The following PIK3C2G variants were observed in gnomAD, a reference collection of about 807,000 sequenced individuals.
PIK3C2G encodes the protein phosphatidylinositol-4-phosphate 3-kinase catalytic subunit type 2 gamma.
In PIK3C2G, 168 loss-of-function variants were observed where a neutral mutation model predicts 181.1. The ratio of observed to expected loss-of-function variants is 0.93; its 90% CI spans 0.82 to 1.05. PIK3C2G has a LOEUF of 1.05. PIK3C2G is among the 50% of genes least tolerant of loss of function. The probability of loss-of-function intolerance (pLI) is 0.00; values close to 1 mark genes in which losing one functional copy is unlikely to be tolerated. For missense variants in PIK3C2G, 1,869 were observed against 1,732.8 expected (o/e 1.08, Z -1.40); for synonymous variants, 573 against 592.2 (o/e 0.97, Z 0.47).
intron 7 of PIK3C2G, among the ~76,000 whole-genome samples, chr12:18,322,086 T>C (rs1427332538): frequency 6.6e-6 from 1 of 152,108 alleles, no homozygotes; most frequent in East Asian, 1.9e-4. Context: ...TCCCAGAACT[T>C]AAAATAAAAT....
intron 24 of PIK3C2G, among the ~76,000 whole-genome samples, chr12:18,530,386 A>G (rs934638761): frequency 1.3e-5 from 2 of 152,070 alleles, no homozygotes; most frequent in African/African-American, 4.8e-5. Context: ...TCCCTCTCAA[A>G]TAATATTTTT....
At chr12:18,631,124 ATTTCT>A (rs1254256790) in intron 31 of PIK3C2G, among the ~76,000 whole-genome samples, 1 of 152,202 alleles carries the variant, frequency 6.6e-6, no homozygotes, top group Non-Finnish European at 1.5e-5. Context: ...ACAGCTAGTG[ATTTCT>A]TTAATAAATT....
intron 1 of PIK3C2G, among the ~76,000 whole-genome samples, chr12:18,251,882 G>A (rs1008230786): frequency 1.3e-4 from 20 of 151,988 alleles, no homozygotes; most frequent in Admixed American, 1.0e-3. Flanking sequence ...AAAATTACAC[G>A]TGACACTTTG....
At chr12:18,719,991 T>C in the PIK3C2G span, among the ~76,000 whole-genome samples, 9 of 152,098 alleles carry the variant, frequency 5.9e-5, no homozygotes, top group Non-Finnish European at 1.0e-4. Context: ...TCCAGAAGCC[T>C]GCCTCCGACT....
intron 21 of PIK3C2G, 149 bp downstream of exon 21, chr12:18,496,303 T>G (rs1592408742): frequency 1.6e-6 from 1 of 612,858 alleles, no homozygotes; most frequent in African/African-American, 1.9e-5. Context: ...TACAGGATTA[T>G]ATATAGTATG....
At chr12:18,599,326 T>C (rs1427412846) in intron 30 of PIK3C2G, among the ~76,000 whole-genome samples, 1 of 151,836 alleles carries the variant, frequency 6.6e-6, no homozygotes, top group Non-Finnish European at 1.5e-5. Context: ...CCATAAAAAA[T>C]GATGAGTTCA....
chr12:18,721,384 T>C, the PIK3C2G span, among the ~76,000 whole-genome samples: 1 of 152,160 alleles, frequency 6.6e-6, no homozygotes, highest in African/African-American at 2.4e-5. Context: ...TCAATAATCA[T>C]GTAAATGAAA....
chr12:18,515,487 G>A (rs1942477401), intron 24 of PIK3C2G, among the ~76,000 whole-genome samples: 1 of 151,806 alleles, frequency 6.6e-6, no homozygotes, highest in Non-Finnish European at 1.5e-5. Flanking sequence ...TATTTCTGCT[G>A]GATTTTCCAG....
chr12:18,607,231 G>T (rs973683182), intron 30 of PIK3C2G: 2 of 505,442 alleles, frequency 4.0e-6, no homozygotes, highest in Non-Finnish European at 7.9e-6. Flanking sequence ...TAATTGAAAG[G>T]AATAATATGA....
intron 10 of PIK3C2G, among the ~76,000 whole-genome samples, chr12:18,345,760 G>A (rs1592014995): frequency 6.6e-6 from 1 of 151,920 alleles, no homozygotes; most frequent in East Asian, 1.9e-4. Context: ...AACAAACTGT[G>A]GAAAGCGAAA....
chr12:18,542,502 G>A lies in PIK3C2G; in HGVS notation c.3481-3821G>A, dbSNP rs138159790. ...GATTTGATGTACAGATTATTTCATCGCCCAGGTATTAAGCCCAGTACCCAA... is the reference window on the plus strand; with the variant it reads ...GATTTGATGTACAGATTATTTCATCACCCAGGTATTAAGCCCAGTACCCAA... On this transcript the variant is annotated intron_variant, in intron 25 of 32. Transcript: ENST00000538779. Among the ~76,000 whole-genome samples, 774 of 151,584 alleles carry A rather than the reference G, an allele frequency of 5.1e-3. 3 individuals carry two copies. Among genetic ancestry groups the A allele is most frequent in the Non-Finnish European group, 8.8e-3 (595 of 67,766 alleles).
At chr12:18,281,268 C>CAAA (rs59791930) in intron 1 of PIK3C2G, among the ~76,000 whole-genome samples, 28 of 73,732 alleles carry the variant, frequency 3.8e-4, no homozygotes, top group African/African-American at 9.2e-4. Context: ...GCATAATAGG[C>CAAA]AAAAAAAAAA....
At chr12:18,539,219 C>A (rs2136243547) in intron 25 of PIK3C2G, among the ~76,000 whole-genome samples, 1 of 151,992 alleles carries the variant, frequency 6.6e-6, no homozygotes, top group Middle Eastern at 3.4e-3. Context: ...TGTTAACCCC[C>A]AAAAGACTAT....
At position 18,297,448 on chromosome 12, in the gene PIK3C2G, T is replaced by C. The variant is rs577437170; in HGVS notation, c.1034+3433T>C. 6.6e-5 allele frequency among the ~76,000 whole-genome samples: 10 copies of C among 152,234 alleles called. No homozygotes were observed. In the South Asian group the frequency reaches 2.1e-3, roughly 32 times the overall value. The stretch of plus-strand genomic sequence containing the variant: ...AATATTCATGAGGTACATGTGATAT[T>C]TGGATATCTACATAGAATGTATAAT... On this transcript the variant is annotated intron_variant, in intron 5 of 32. Coordinates refer to ENST00000538779, the MANE Select transcript of PIK3C2G (RefSeq NM_001288772.2).
chr12:18,441,609 G>A (rs1234963573), intron 18 of PIK3C2G, among the ~76,000 whole-genome samples: 1 of 152,094 alleles, frequency 6.6e-6, no homozygotes, highest in Non-Finnish European at 1.5e-5. Context: ...GAACAGGCGG[G>A]TGGGTGCATG....
intron 31 of PIK3C2G, among the ~76,000 whole-genome samples, chr12:18,635,611 G>A (rs1949562280): frequency 6.6e-6 from 1 of 152,184 alleles, no homozygotes; most frequent in Non-Finnish European, 1.5e-5. Context: ...CTAAGGGCCT[G>A]TGGTGAAATT....
downstream of PIK3C2G, among the ~76,000 whole-genome samples, chr12:18,649,794 A>T (rs538040): frequency 0.068 from 10,414 of 152,164 alleles, 403 homozygotes; most frequent in African/African-American, 0.083. Flanking sequence ...ATCTTCCTGG[A>T]TATATTTTCT....
At chr12:18,423,130 T>TGAGA (rs144744234) in intron 17 of PIK3C2G, among the ~76,000 whole-genome samples, 31,648 of 148,472 alleles carry the variant, frequency 0.21, 3,418 homozygotes, top group Admixed American at 0.33. Flanking sequence ...TCTGAAGCTT[T>TGAGA]GAGAGAGAGA....
intron 31 of PIK3C2G, among the ~76,000 whole-genome samples, chr12:18,619,708 T>C (rs1276185520): frequency 6.6e-6 from 1 of 151,740 alleles, no homozygotes; most frequent in East Asian, 1.9e-4. Flanking sequence ...AATAATTACA[T>C]TATGGTCAAA....
Sources: gnomAD v4.1 joint callset for allele counts (sites outside exome capture counted in the v4.1 genomes callset) on GRCh38, gnomAD v4.1.1 for gene constraint, MANE v1.5 for transcripts, NCBI Gene and HGNC (gene_info 2026-07-23, HGNC 2026-07-21) for gene names.